The following MS4A4E variants were observed in gnomAD, a reference collection of about 807,000 sequenced individuals.
The protein encoded by MS4A4E is membrane spanning 4-domains A4E, also known as putative membrane-spanning 4-domains subfamily A member 4E.
A neutral mutation model predicts 13.3 loss-of-function variants in MS4A4E; 23 were observed. The ratio of observed to expected loss-of-function variants is 1.73; its 90% CI spans 1.25 to 2.45. MS4A4E has a LOEUF of 2.45. MS4A4E is among the 30% of genes most tolerant of loss of function. The probability of loss-of-function intolerance (pLI) is 0.00; values close to 1 mark genes in which losing one functional copy is unlikely to be tolerated. For synonymous variants in MS4A4E, 36 were observed against 45.6 expected (o/e 0.79, Z 0.85); for missense variants, 144 against 131.2 (o/e 1.10, Z -0.48).
intron 1 of MS4A4E, among the ~76,000 whole-genome samples, chr11:60,232,284 A>AACACACACACACACACACACACAC (rs3221531): frequency 0.011 from 1,388 of 130,144 alleles, 25 homozygotes; most frequent in Non-Finnish European, 0.013. Context: ...CATCGCCATC[A>AACACACACACACACACACACACAC]ACACACACAC....
In MS4A4E at chr11:60,200,299, T is replaced by A. The variant is rs998386574; in HGVS notation, c.*1244A>T. The stretch of plus-strand genomic sequence containing the variant: ...TTTTATTTATTTATTTATTTATTTA[T>A]TTAATTTTTTATTGACCATTCTTGG... On this transcript the variant is annotated 3_prime_UTR_variant, in exon 9 of 9. Transcript: ENST00000651255. 3.3e-5 allele frequency among the ~76,000 whole-genome samples: 5 copies of A among 152,052 alleles called. No individual in the cohort carries two copies. The highest frequency in any genetic ancestry group is 9.7e-5 in the African/African-American group (4 of 41,400).
intron 4 of MS4A4E, among the ~76,000 whole-genome samples, chr11:60,213,929 G>A (rs1426391508): frequency 1.3e-5 from 2 of 150,534 alleles, no homozygotes; most frequent in Non-Finnish European, 1.5e-5. Context: ...TTTTTGAGAT[G>A]GAGTCTTGCT....
chr11:60,222,628 T>A (rs528101752), intron 3 of MS4A4E, among the ~76,000 whole-genome samples: 1 of 152,340 alleles, frequency 6.6e-6, no homozygotes, highest in South Asian at 2.1e-4. Flanking sequence ...TCACCCCTAG[T>A]GACCTACCAG....
At chr11:60,204,144 CA>C (rs1312365889) in intron 8 of MS4A4E, among the ~76,000 whole-genome samples, 3 of 152,140 alleles carry the variant, frequency 2.0e-5, no homozygotes, top group African/African-American at 7.2e-5. Context: ...GGATATTTTA[CA>C]AAATCCAAGA....
In MS4A4E at chr11:60,200,618, G is replaced by A. The variant is rs2083974113; in HGVS notation, c.*925C>T. On this transcript the variant is annotated 3_prime_UTR_variant, in exon 9 of 9. Transcript: ENST00000651255. ...GCACAGGGTTGGGGGTAAGGTCACA[G>A]ATCAACAGGATCCCAAGGCAGAAGA... Among the ~76,000 whole-genome samples the A allele has an allele frequency of 6.6e-6, 1 of 152,156 alleles. No individual in the cohort carries two copies. The highest frequency in any genetic ancestry group is 6.5e-5 in the Admixed American group (1 of 15,288).
At chr11:60,236,537 T>C (rs2084484990) in intron 1 of MS4A4E, among the ~76,000 whole-genome samples, 2 of 152,152 alleles carry the variant, frequency 1.3e-5, no homozygotes, top group African/African-American at 4.8e-5. Context: ...TTGTTCTATT[T>C]GAAACTATTG....
chr11:60,240,312 C>T (rs982184914), intron 1 of MS4A4E, among the ~76,000 whole-genome samples: 9 of 152,170 alleles, frequency 5.9e-5, no homozygotes, highest in African/African-American at 9.7e-5. Context: ...TCTAATTCTA[C>T]GCAACCATTT....
intron 3 of MS4A4E, among the ~76,000 whole-genome samples, chr11:60,221,670 A>G (rs1224806084): frequency 3.9e-5 from 6 of 152,208 alleles, no homozygotes; most frequent in Admixed American, 1.3e-4. Context: ...CTGCAATTAT[A>G]TACTGATTCA....
chr11:60,223,971 C>T (rs1321177400), intron 3 of MS4A4E, among the ~76,000 whole-genome samples: 2 of 152,146 alleles, frequency 1.3e-5, no homozygotes, highest in Admixed American at 1.3e-4. Context: ...TCAAATCTTT[C>T]ACTTCCGCTG....
At chr11:60,204,684 T>C (rs1412854430) in intron 8 of MS4A4E, among the ~76,000 whole-genome samples, 1 of 152,144 alleles carries the variant, frequency 6.6e-6, no homozygotes, top group Non-Finnish European at 1.5e-5. Context: ...TTTCCATTTA[T>C]TGCTATTTCT....
At chr11:60,212,784 A>G (rs1414355027) in intron 5 of MS4A4E, among the ~76,000 whole-genome samples, 190 bp downstream of exon 5, 1 of 152,202 alleles carries the variant, frequency 6.6e-6, no homozygotes, top group African/African-American at 2.4e-5. Flanking sequence ...CATCACATAT[A>G]GAGGAAAAAT....
At chr11:60,221,082 G>C (rs556827957) in intron 3 of MS4A4E, among the ~76,000 whole-genome samples, 24 of 152,258 alleles carry the variant, frequency 1.6e-4, no homozygotes, top group African/African-American at 5.5e-4. Context: ...GAGGCCTCTA[G>C]GATTTTGGAG....
intron 1 of MS4A4E, among the ~76,000 whole-genome samples, chr11:60,231,161 G>C (rs2084406121): frequency 6.6e-6 from 1 of 152,054 alleles, no homozygotes; most frequent in Non-Finnish European, 1.5e-5. Flanking sequence ...GAGAAAGCTA[G>C]AGGGGAAAAG....
rs1192396933 is a variant in MS4A4E, at chr11:60,201,071, AC to A, written c.*471del. 6.1e-5 allele frequency among the ~76,000 whole-genome samples: 6 copies of A among 98,126 alleles called. No homozygotes were observed. The highest frequency in any genetic ancestry group is 1.2e-4 in the Non-Finnish European group (6 of 49,040). 64.4% of individuals were successfully genotyped at this position (98,126 alleles called of 152,430 possible). A position where few individuals can be genotyped will look rare whatever the true frequency, so the allele number is the denominator to read the frequency against. ...GGTGGCTGGCCGGGTGGGGGGCTGAACCCCCCACCTCCCTCCCGGACGGGGC... is the reference window on the plus strand; with the variant it reads ...GGTGGCTGGCCGGGTGGGGGGCTGAACCCCCACCTCCCTCCCGGACGGGGC... On this transcript the variant is annotated 3_prime_UTR_variant, in exon 9 of 9. Coordinates refer to ENST00000651255, the MANE Select transcript of MS4A4E (RefSeq NM_001393391.1).
intron 3 of MS4A4E, among the ~76,000 whole-genome samples, chr11:60,226,073 AAGAC>A (rs1038903489): frequency 3.6e-4 from 55 of 151,992 alleles, no homozygotes; most frequent in Admixed American, 3.3e-3. Flanking sequence ...TTGCTCCTTA[AAGAC>A]AATTTGTCAA....
chr11:60,228,799 A>T lies in MS4A4E; in HGVS notation c.145-172T>A, dbSNP rs2084373885. Among the ~76,000 whole-genome samples, 3 of 152,360 alleles carry T rather than the reference A, an allele frequency of 2.0e-5. No homozygotes were observed. The South Asian group carries it at 6.2e-4, about 32-fold the overall frequency. On this transcript the variant is annotated intron_variant, in intron 2 of 8. Transcript: ENST00000651255. ...TAAGCCATAAGAAAACATAGAGGAA[A>T]TTTAAATGCATGTTATTAGGTGAAG...
In MS4A4E at chr11:60,204,880, G is replaced by T. The variant is rs1379748567; in HGVS notation, c.659+10C>A. Among the ~76,000 whole-genome samples the T allele has an allele frequency of 1.3e-5, 2 of 152,082 alleles. No homozygotes were observed. Among genetic ancestry groups the T allele is most frequent in the African/African-American group, 4.8e-5 (2 of 41,406 alleles). On this transcript the variant is annotated intron_variant, in intron 8 of 8. Coordinates refer to ENST00000651255, the MANE Select transcript of MS4A4E (RefSeq NM_001393391.1). ...ATTAAGGTTCTATTTGGTGGTTCTT[G>T]CTAGATTACCTTTCAATCCTCAACC...
intron 2 of MS4A4E, among the ~76,000 whole-genome samples, chr11:60,229,329 A>C (rs900211394): frequency 6.6e-6 from 1 of 152,236 alleles, no homozygotes; most frequent in Non-Finnish European, 1.5e-5. Flanking sequence ...GCAAAAAAAG[A>C]GAAGGAATCC....
At chr11:60,230,913 G>GAT (rs1339121289) in intron 1 of MS4A4E, among the ~76,000 whole-genome samples, 6 of 152,020 alleles carry the variant, frequency 3.9e-5, no homozygotes, top group African/African-American at 1.4e-4. Flanking sequence ...AGTCATAGTT[G>GAT]ATTTCAGTGG....
Sources: gnomAD v4.1 joint callset for allele counts (sites outside exome capture counted in the v4.1 genomes callset) on GRCh38, gnomAD v4.1.1 for gene constraint, MANE v1.5 for transcripts, NCBI Gene and HGNC (gene_info 2026-07-23, HGNC 2026-07-21) for gene names.